DCUN1D5: variants seen among roughly 807,000 people sequenced by gnomAD.
The protein encoded by DCUN1D5 is DCN1-like protein 5.
In DCUN1D5, 10 loss-of-function variants were observed where a neutral mutation model predicts 38.3. The observed-to-expected ratio is 0.26, with a 90% confidence interval of 0.16 to 0.44. The LOEUF is 0.44. Among genes scored for constraint, DCUN1D5 ranks in the 20% least tolerant of loss-of-function variants. The probability of loss-of-function intolerance (pLI) is 1.00; values close to 1 mark genes in which losing one functional copy is unlikely to be tolerated. For missense variants in DCUN1D5, 148 were observed against 275.3 expected, an observed-to-expected ratio of 0.54 and a Z score of 3.27; for synonymous variants, 93 against 90.9, an observed-to-expected ratio of 1.02 and a Z score of -0.13.
rs886532586 is a variant in DCUN1D5, at chr11:103,055,845, C to T, written c.*6514G>A. ...CCAGGTTCAAATATCCAACTGCCCA[C>T]TCTACATTTTCCTTTGGACGTCTGA... On this transcript the variant is annotated 3_prime_UTR_variant, in exon 8 of 8. Coordinates refer to ENST00000260247, the MANE Select transcript of DCUN1D5 (RefSeq NM_032299.4). 6.6e-6 allele frequency: 1 copy of T among 152,184 alleles called. No individual in the cohort carries two copies. The highest frequency in any genetic ancestry group is 2.4e-5 in the African/African-American group (1 of 41,444). 9.4% of individuals were successfully genotyped at this position (152,184 alleles called of 1,614,324 possible).
rs1861750843 is a variant in DCUN1D5 at position 103,051,974 on chromosome 11, A to G, written c.*10385T>C. Reference sequence around the variant, plus strand: ...TTGACTATTTCAGTCCACAGAACTCACTCTCCTCTGAACTCCTATAGCTTA... The same window carrying G: ...TTGACTATTTCAGTCCACAGAACTCGCTCTCCTCTGAACTCCTATAGCTTA... On this transcript the variant is annotated 3_prime_UTR_variant, in exon 8 of 8. Transcript: ENST00000260247. The G allele has an allele frequency of 6.6e-6, 1 of 151,586 alleles. No individual in the cohort carries two copies. The highest frequency in any genetic ancestry group is 1.5e-5 in the Non-Finnish European group (1 of 67,900). 9.4% of individuals were successfully genotyped at this position (151,586 alleles called of 1,614,324 possible).
chr11:103,061,678 T>C lies in DCUN1D5; in HGVS notation c.*681A>G, dbSNP rs561711697. On this transcript the variant is annotated 3_prime_UTR_variant, in exon 8 of 8. Coordinates refer to ENST00000260247, the MANE Select transcript of DCUN1D5 (RefSeq NM_032299.4). ...AATATAAATATGCTATTATCAACAATAATAATGATGATACAACTTAATAAT... is the reference window on the plus strand; with the variant it reads ...AATATAAATATGCTATTATCAACAACAATAATGATGATACAACTTAATAAT... 2.0e-3 allele frequency among the ~76,000 whole-genome samples: 297 copies of C among 149,330 alleles called. No homozygotes were observed. The highest frequency in any genetic ancestry group is 7.1e-3 in the African/African-American group (286 of 40,440).
Position 103,073,524 on chromosome 11 carries a change from G to A in DCUN1D5, c.342-6957C>T, listed in dbSNP as rs776906414. On this transcript the variant is annotated intron_variant, in intron 4 of 7. Coordinates refer to ENST00000260247, the MANE Select transcript of DCUN1D5 (RefSeq NM_032299.4). The surrounding 1 kb of genome is among the most constrained non-coding windows in gnomAD (Gnocchi z 4.2). ...TAAGTCTACCTGATTTCAAGTCTTA[G>A]TATTTAGCCACAGTAATCCAGACTG... Among the ~76,000 whole-genome samples the A allele has an allele frequency of 2.8e-4, 42 of 152,182 alleles. No individual in the cohort carries two copies. The highest frequency in any genetic ancestry group is 9.2e-4 in the Admixed American group (14 of 15,276).
At chr11:103,079,151 C>T (rs1029879164) in intron 4 of DCUN1D5, among the ~76,000 whole-genome samples, 9 of 152,182 alleles carry the variant, frequency 5.9e-5, no homozygotes, top group African/African-American at 2.2e-4. Flanking sequence ...ATCTAGGTTG[C>T]ATGCGCCTTA....
Position 103,066,651 on chromosome 11 carries a change from A to G in DCUN1D5, c.342-84T>C. The G allele has an allele frequency of 1.4e-6, 1 of 735,838 alleles. No individual in the cohort carries two copies. The highest frequency in any genetic ancestry group is 2.9e-5 in the Admixed American group (1 of 34,592). 45.6% of individuals were successfully genotyped at this position (735,838 alleles called of 1,614,324 possible). On this transcript the variant is annotated intron_variant, in intron 4 of 7. Coordinates refer to ENST00000260247, the MANE Select transcript of DCUN1D5 (RefSeq NM_032299.4). This position sits in a 1 kb window ranked among gnomAD's most constrained non-coding sequence, Gnocchi z 4.7. ...ACTGGGGGTTAGACGTAATGCATTA[A>G]GAAAAAAGTGAGCGCATTTATGAAG... is the stretch of plus-strand genomic sequence containing the variant.
intron 1 of DCUN1D5, among the ~76,000 whole-genome samples, chr11:103,090,092 T>A (rs1322853678): frequency 1.3e-5 from 2 of 152,106 alleles, no homozygotes; most frequent in African/African-American, 2.4e-5. Context: ...ATGATAGAAC[T>A]TCTGTAACTG....
At chr11:103,088,288 T>C (rs577338603) in intron 2 of DCUN1D5, among the ~76,000 whole-genome samples, 8 of 150,644 alleles carry the variant, frequency 5.3e-5, no homozygotes, top group East Asian at 3.9e-4. Context: ...TTGAGAATGA[T>C]AGTGATTAAA....
Position 103,083,231 on chromosome 11 carries a change from C to T in DCUN1D5, c.249+25G>A. The stretch of plus-strand genomic sequence containing the variant: ...AATATGCTATACCCCACTTATATGC[C>T]ATTCTACTTAGAAATAAAACATACA... On this transcript the variant is annotated intron_variant, in intron 3 of 7. Transcript: ENST00000260247. The surrounding 1 kb of genome is among the most constrained non-coding windows in gnomAD (Gnocchi z 4.4). The T allele has an allele frequency of 8.1e-7, 1 of 1,242,234 alleles. No individual in the cohort carries two copies. Among genetic ancestry groups the T allele is most frequent in the Admixed American group, 1.7e-5 (1 of 58,654 alleles). The allele number at this position is 1,242,234 out of a possible 1,614,324, so 77.0% of individuals were successfully genotyped here. A position where few individuals can be genotyped will look rare whatever the true frequency, so the allele number is the denominator to read the frequency against.
intron 2 of DCUN1D5, among the ~76,000 whole-genome samples, chr11:103,088,596 C>T (rs1388021198): frequency 2.0e-5 from 3 of 152,162 alleles, no homozygotes; most frequent in Non-Finnish European, 4.4e-5. Context: ...TCCCATGACA[C>T]TTTAAAAGCT....
chr11:103,086,622 C>T lies in DCUN1D5; in HGVS notation c.178+2605G>A, dbSNP rs1044786487. Among the ~76,000 whole-genome samples the T allele has an allele frequency of 2.0e-5, 3 of 152,092 alleles. No homozygotes were observed. The highest frequency in any genetic ancestry group is 2.9e-5 in the Non-Finnish European group (2 of 68,018). ...CCACAATCTGTACTTATCTTGCCTA[C>T]ATACCTGTTTACTGACTGTCTTCCT... is the stretch of plus-strand genomic sequence containing the variant. On this transcript the variant is annotated intron_variant, in intron 2 of 7. Transcript: ENST00000260247. The surrounding 1 kb of genome is among the most constrained non-coding windows in gnomAD (Gnocchi z 4.1).
At chr11:103,085,943 A>G (rs1409463590) in intron 2 of DCUN1D5, among the ~76,000 whole-genome samples, 1 of 152,226 alleles carries the variant, frequency 6.6e-6, no homozygotes, top group Admixed American at 6.5e-5. Flanking sequence ...GTTTTCAATT[A>G]CCATAGGCCA....
chr11:103,063,648 G>GA lies in DCUN1D5; in HGVS notation c.658+626dup, dbSNP rs1862067128. The stretch of plus-strand genomic sequence containing the variant: ...ACCAACCAAAATGGTGGTTGGAACT[G>GA]AAAAAAATTTATAGTTCTACAGAAT... On this transcript the variant is annotated intron_variant, in intron 7 of 7. Transcript: ENST00000260247. The surrounding 1 kb of genome is among the most constrained non-coding windows in gnomAD (Gnocchi z 4.6). Among the ~76,000 whole-genome samples the GA allele has an allele frequency of 6.6e-6, 1 of 151,966 alleles. No homozygotes were observed. The highest frequency in any genetic ancestry group is 1.5e-5 in the Non-Finnish European group (1 of 67,940).
In DCUN1D5 at chr11:103,055,534, C is replaced by A. The variant is rs1303026407; in HGVS notation, c.*6825G>T. 1 of 152,148 alleles carries A rather than the reference C, an allele frequency of 6.6e-6. No individual in the cohort carries two copies. The highest frequency in any genetic ancestry group is 2.4e-5 in the African/African-American group (1 of 41,442). 9.4% of individuals were successfully genotyped at this position (152,148 alleles called of 1,614,324 possible). ...CTCAATTTAATTTGCCATTTGTTTA[C>A]ATATTTGGCAACTATTATCAATCTT... is the stretch of plus-strand genomic sequence containing the variant. On this transcript the variant is annotated 3_prime_UTR_variant, in exon 8 of 8. Transcript: ENST00000260247.
Position 103,064,152 on chromosome 11 carries a change from C to A in DCUN1D5, c.658+123G>T. ...TCTCTACTTCTCCCACAATCCCTCA[C>A]ACAATTAAATAAGTTACTATTACAA... is the stretch of plus-strand genomic sequence containing the variant. On this transcript the variant is annotated intron_variant, in intron 7 of 7. Coordinates refer to ENST00000260247, the MANE Select transcript of DCUN1D5 (RefSeq NM_032299.4). This position sits in a 1 kb window ranked among gnomAD's most constrained non-coding sequence, Gnocchi z 4.5. The A allele has an allele frequency of 3.1e-6, 2 of 650,922 alleles. No homozygotes were observed. The highest frequency in any genetic ancestry group is 5.1e-6 in the Non-Finnish European group (2 of 390,194). The allele number at this position is 650,922 out of a possible 1,614,324, so 40.3% of individuals were successfully genotyped here.
At chr11:103,082,163 T>C (rs564702167) in intron 4 of DCUN1D5, among the ~76,000 whole-genome samples, 1 of 152,118 alleles carries the variant, frequency 6.6e-6, no homozygotes, top group South Asian at 2.1e-4. Context: ...TAAGATGCAA[T>C]TCTATAACTT....
chr11:103,072,347 G>C (rs1228562733), intron 4 of DCUN1D5, among the ~76,000 whole-genome samples: 1 of 151,404 alleles, frequency 6.6e-6, no homozygotes. Context: ...ACTAGATCTA[G>C]ATCTAGATCT....
In DCUN1D5 at chr11:103,052,842, C is replaced by A. The variant is rs1285006913; in HGVS notation, c.*9517G>T. On this transcript the variant is annotated 3_prime_UTR_variant, in exon 8 of 8. Coordinates refer to ENST00000260247, the MANE Select transcript of DCUN1D5 (RefSeq NM_032299.4). ...CCTAAATAGAAATTCAGTTTTCTCA[C>A]TCTATTACTTTGTTCACATGTTTGA... 6.6e-6 allele frequency: 1 copy of A among 152,222 alleles called. No individual in the cohort carries two copies. Among genetic ancestry groups the A allele is most frequent in the South Asian group, 2.1e-4 (1 of 4,820 alleles). 9.4% of individuals were successfully genotyped at this position (152,222 alleles called of 1,614,324 possible). A position where few individuals can be genotyped will look rare whatever the true frequency, so the allele number is the denominator to read the frequency against.
In DCUN1D5 at chr11:103,071,514, CT is replaced by C. The variant is rs1351900781; in HGVS notation, c.342-4948del. On this transcript the variant is annotated intron_variant, in intron 4 of 7. Coordinates refer to ENST00000260247, the MANE Select transcript of DCUN1D5 (RefSeq NM_032299.4). The surrounding 1 kb of genome is among the most constrained non-coding windows in gnomAD (Gnocchi z 4.1). ...ATATATAATTTTATATACTCTATAT[CT>C]ATATGATCTATAATCTATATATAGA... 1.3e-5 allele frequency among the ~76,000 whole-genome samples: 2 copies of C among 149,472 alleles called. No individual in the cohort carries two copies. The highest frequency in any genetic ancestry group is 3.0e-5 in the Non-Finnish European group (2 of 67,448).
In DCUN1D5 at chr11:103,055,407, G is replaced by C. The variant is rs945544038; in HGVS notation, c.*6952C>G. 7 of 152,064 alleles carry C rather than the reference G, an allele frequency of 4.6e-5. No homozygotes were observed. The South Asian group carries it at 1.5e-3, about 32-fold the overall frequency. 9.4% of individuals were successfully genotyped at this position (152,064 alleles called of 1,614,324 possible). On this transcript the variant is annotated 3_prime_UTR_variant, in exon 8 of 8. Transcript: ENST00000260247. ...AATTGGAATAGCAATTTCCAACAAT[G>C]AGAAAAAGAAACTAGCACTCCAGAT...
Sources: allele counts gnomAD v4.1 joint callset (sites outside exome capture counted in the v4.1 genomes callset), GRCh38; gene constraint gnomAD v4.1.1; non-coding constraint Gnocchi (gnomAD v3.1); transcripts MANE v1.5; gene names NCBI Gene and HGNC (gene_info 2026-07-23, HGNC 2026-07-21).